The following FAR1 variants were observed in gnomAD, a reference collection of about 807,000 sequenced individuals.
The protein encoded by FAR1 is male sterility domain-containing protein 2.
In FAR1, 22 loss-of-function variants were observed where a neutral mutation model predicts 61.1. That is an observed-to-expected ratio of 0.36 (90% CI 0.26 to 0.51). The LOEUF is 0.51. Ranked by LOEUF, FAR1 falls within the 20% of genes least tolerant of loss-of-function variation. FAR1 has a pLI of 0.95. For missense variants in FAR1, 359 were observed against 626.9 expected (o/e 0.57, Z 4.56); for synonymous variants, 206 against 209.7 (o/e 0.98, Z 0.15).
At chr11:13,691,562 G>A (rs1224612604) in intron 1 of FAR1, among the ~76,000 whole-genome samples, 2 of 152,084 alleles carry the variant, frequency 1.3e-5, no homozygotes, top group Admixed American at 6.5e-5. Context: ...GCAACTACCA[G>A]TTTGCATTCT....
At chr11:13,691,807 G>A (rs548094721) in intron 1 of FAR1, among the ~76,000 whole-genome samples, 2 of 152,200 alleles carry the variant, frequency 1.3e-5, no homozygotes, top group African/African-American at 2.4e-5. Flanking sequence ...CTTGGCTATC[G>A]TGAGCAGTGC....
intron 10 of FAR1, among the ~76,000 whole-genome samples, chr11:13,726,597 C>T (rs1259094721): frequency 6.6e-6 from 1 of 151,354 alleles, no homozygotes; most frequent in Non-Finnish European, 1.5e-5. Context: ...TTCTGACTCT[C>T]ATATGCCTAG....
chr11:13,723,905 A>AT (rs1041462637), intron 10 of FAR1, among the ~76,000 whole-genome samples: 3 of 152,042 alleles, frequency 2.0e-5, no homozygotes, highest in African/African-American at 7.2e-5. Context: ...AGTCTCTAGA[A>AT]TTTTTTCTTG....
chr11:13,725,104 A>G (rs1848655684), intron 10 of FAR1, among the ~76,000 whole-genome samples: 1 of 152,200 alleles, frequency 6.6e-6, no homozygotes, highest in South Asian at 2.1e-4. Flanking sequence ...GTTGATAGAC[A>G]TTTGAGTTAT....
Position 13,674,303 on chromosome 11 carries a change from C to T in FAR1, c.-8+5497C>T, listed in dbSNP as rs374616395. ...CAGCCTGGACAACAGAGCAAGACTC[C>T]GTCTCAAAAAAAAAAAAAAAAGAAA... On this transcript the variant is annotated intron_variant, in intron 1 of 11. Coordinates refer to ENST00000354817, the MANE Select transcript of FAR1 (RefSeq NM_032228.6). 6.9e-3 allele frequency among the ~76,000 whole-genome samples: 998 copies of T among 145,158 alleles called. 12 individuals carry two copies. The highest frequency in any genetic ancestry group is 0.024 in the African/African-American group (937 of 39,190).
intron 1 of FAR1, among the ~76,000 whole-genome samples, chr11:13,679,639 A>C (rs1434290650): frequency 6.6e-6 from 1 of 152,216 alleles, no homozygotes; most frequent in Non-Finnish European, 1.5e-5. Context: ...TATATTATTG[A>C]AAAATTTGTT....
chr11:13,700,414 A>T lies in FAR1; in HGVS notation c.287A>T (p.Glu96Val). Residue 96 changes from glutamate to valine, a missense_variant, in exon 3 of 12, where the codon GAA becomes GTA. Glu to Val is a moderately radical substitution (Grantham distance 121). Around this residue, in one of 2 missense-constraint regions of FAR1, gnomAD observed 344 missense variants for 570.3 expected, o/e 0.60. Coordinates refer to ENST00000354817, the MANE Select transcript of FAR1 (RefSeq NM_032228.6). ...CAACCTAAACTGGCTCTCAGTGAAGAAGATAAAGAGGTGATCATAGATTCT... is the reference window on the plus strand; with the variant it reads ...CAACCTAAACTGGCTCTCAGTGAAGTAGATAAAGAGGTGATCATAGATTCT... ...LTQPKLALSE[E>V]DKEVIIDSTN... 6.2e-7 allele frequency: 1 copy of T among 1,600,870 alleles called. No individual in the cohort carries two copies. The highest frequency in any genetic ancestry group is 8.5e-7 in the Non-Finnish European group (1 of 1,175,186).
At chr11:13,676,170 T>C (rs1440456250) in intron 1 of FAR1, among the ~76,000 whole-genome samples, 1 of 152,114 alleles carries the variant, frequency 6.6e-6, no homozygotes, top group Non-Finnish European at 1.5e-5. Flanking sequence ...AGTGATAAAA[T>C]GATAAAGCTT....
chr11:13,713,061 T>C (rs749806605), intron 8 of FAR1, 28 bp downstream of exon 8: 1 of 1,593,940 alleles, frequency 6.3e-7, no homozygotes, highest in Admixed American at 1.7e-5. Flanking sequence ...TTTTTGAATG[T>C]TAGAATAAAT....
chr11:13,680,701 A>G (rs1478664490), intron 1 of FAR1, among the ~76,000 whole-genome samples: 1 of 152,050 alleles, frequency 6.6e-6, no homozygotes, highest in Non-Finnish European at 1.5e-5. Context: ...TCTCACTATG[A>G]GTGAGAACGC....
rs1848503878 is a variant in FAR1 at position 13,711,962 on chromosome 11, C to G, written c.803C>G (p.Ser268Cys). 1 of 1,613,364 alleles carries G rather than the reference C, an allele frequency of 6.2e-7. No homozygotes were observed. Among genetic ancestry groups the G allele is most frequent in the Non-Finnish European group, 8.5e-7 (1 of 1,179,510 alleles). Residue 268 changes from serine to cysteine, a missense_variant, in exon 7 of 12, where the codon TCC becomes TGC. Coordinates refer to ENST00000354817, the MANE Select transcript of FAR1 (RefSeq NM_032228.6). ...GGAATTCTTCGAACAATACGTGCCT[C>G]CAACAATGCCCTTGCAGATCTTGTT... ...GKGILRTIRA[S>C]NNALADLVPV...
At chr11:13,674,744 A>C (rs1848047282) in intron 1 of FAR1, among the ~76,000 whole-genome samples, 1 of 152,234 alleles carries the variant, frequency 6.6e-6, no homozygotes, top group Non-Finnish European at 1.5e-5. Flanking sequence ...AAATTTTTTA[A>C]ATAAAGTACC....
chr11:13,701,959 C>T (rs76429679), intron 3 of FAR1, among the ~76,000 whole-genome samples: 1,871 of 152,150 alleles, frequency 0.012, 37 homozygotes, highest in African/African-American at 0.042. Flanking sequence ...CGCCTTAAGC[C>T]TCAGCTTCCT....
intron 10 of FAR1, among the ~76,000 whole-genome samples, chr11:13,725,841 C>T (rs985691884): frequency 1.3e-5 from 2 of 151,876 alleles, no homozygotes; most frequent in African/African-American, 2.4e-5. Flanking sequence ...GAACTTAACC[C>T]CTATGTAATT....
In FAR1 at chr11:13,728,620, A is replaced by G. The variant is rs1482053633; in HGVS notation, c.1394A>G (p.Asn465Ser). The change falls in exon 12 of 12, where the codon AAT becomes AGT. Residue 465 changes from asparagine to serine, a missense_variant. Physicochemically the swap from Asn to Ser is conservative, Grantham distance 46 (BLOSUM62 1). Transcript: ENST00000354817. ...AARKHLNKLRNIRYGFNTILV... is the reference protein window; with the variant it reads ...AARKHLNKLRSIRYGFNTILV... ...CTTGATTTGCTTTCCAGGTTGCGGA[A>G]TATACGTTATGGTTTTAATACTATC... is the stretch of plus-strand genomic sequence containing the variant. The G allele has an allele frequency of 8.1e-6, 13 of 1,611,136 alleles. No individual in the cohort carries two copies. The highest frequency in any genetic ancestry group is 1.1e-5 in the Non-Finnish European group (13 of 1,177,936).
Position 13,676,828 on chromosome 11 carries a change from G to T in FAR1, c.-8+8022G>T, listed in dbSNP as rs1830710161. 2.6e-5 allele frequency among the ~76,000 whole-genome samples: 4 copies of T among 152,142 alleles called. No homozygotes were observed. In the South Asian group the frequency reaches 8.3e-4, roughly 32 times the overall value. On this transcript the variant is annotated intron_variant, in intron 1 of 11. Transcript: ENST00000354817. ...AAAGTGATACCCTTGTGACCTGTTGGAGTTAATAATTTTTCAAGTACCTAA... is the reference window on the plus strand; with the variant it reads ...AAAGTGATACCCTTGTGACCTGTTGTAGTTAATAATTTTTCAAGTACCTAA...
intron 1 of FAR1, among the ~76,000 whole-genome samples, chr11:13,688,432 G>GT (rs1273455402): frequency 6.6e-6 from 1 of 152,132 alleles, no homozygotes; most frequent in African/African-American, 2.4e-5. Context: ...CAGATTAGCT[G>GT]TTTAGGCTTT....
intron 4 of FAR1, among the ~76,000 whole-genome samples, chr11:13,708,437 G>GCA (rs1848459319): frequency 4.8e-5 from 4 of 83,186 alleles, no homozygotes; most frequent in African/African-American, 8.0e-5. Context: ...ATACATGTGC[G>GCA]CGCGCGCGCG....
At chr11:13,672,768 C>G (rs1848023507) in intron 1 of FAR1, among the ~76,000 whole-genome samples, 1 of 152,220 alleles carries the variant, frequency 6.6e-6, no homozygotes, top group Non-Finnish European at 1.5e-5. Flanking sequence ...ACTGTATGTA[C>G]TGAAAGGTGG....
Sources: gnomAD v4.1 joint callset for allele counts (sites outside exome capture counted in the v4.1 genomes callset) on GRCh38, gnomAD v4.1.1 for gene constraint, gnomAD v4.1.1 regional missense constraint, MANE v1.5 for transcripts, NCBI Gene and HGNC (gene_info 2026-07-23, HGNC 2026-07-21) for gene names.